The following SNX29 variants were observed in gnomAD, a reference collection of about 807,000 sequenced individuals.
The protein encoded by SNX29 is sorting nexin-29.
SNX29 carries 78 observed loss-of-function variants against 102.1 expected under a neutral mutation model. The observed-to-expected ratio is 0.76, with a 90% CI of 0.64 to 0.92. The LOEUF is 0.92. SNX29 is among the 40% of genes least tolerant of loss of function. The probability of loss-of-function intolerance (pLI) is 0.00; values close to 1 mark genes in which losing one functional copy is unlikely to be tolerated. For synonymous variants in SNX29, 580 were observed against 414.5 expected (o/e 1.40, Z -4.85); for missense variants, 1,280 against 1,061.7 (o/e 1.21, Z -2.86).
intron 18 of SNX29, among the ~76,000 whole-genome samples, chr16:12,434,115 G>A (rs1353673771): frequency 6.6e-6 from 1 of 152,160 alleles, no homozygotes; most frequent in Non-Finnish European, 1.5e-5. Context: ...TTGACATGCT[G>A]GGGTGGAGAG....
intron 11 of SNX29, among the ~76,000 whole-genome samples, chr16:12,124,415 A>T (rs373941779): frequency 3.3e-4 from 50 of 151,856 alleles, no homozygotes; most frequent in African/African-American, 1.1e-3. Context: ...TGAGGAGCTT[A>T]AAGTTCCACA....
At chr16:12,252,961 G>A (rs1211820897) in intron 14 of SNX29, among the ~76,000 whole-genome samples, 1 of 152,248 alleles carries the variant, frequency 6.6e-6, no homozygotes, top group Non-Finnish European at 1.5e-5. Flanking sequence ...TGGACTGGCA[G>A]CTGGGATAGG....
At chr16:12,297,616 C>G (rs559977902) in intron 15 of SNX29, among the ~76,000 whole-genome samples, 159 of 152,118 alleles carry the variant, frequency 1.0e-3, no homozygotes, top group Non-Finnish European at 2.0e-3. Context: ...AAATGATAAC[C>G]GTGGGTGGTG....
intron 14 of SNX29, among the ~76,000 whole-genome samples, chr16:12,256,976 A>G (rs763524458): frequency 6.6e-6 from 1 of 152,212 alleles, no homozygotes; most frequent in Non-Finnish European, 1.5e-5. Context: ...ATGGCTGATA[A>G]CAAATTATCT....
chr16:12,390,475 T>C (rs1486958132), intron 16 of SNX29, among the ~76,000 whole-genome samples: 7 of 152,142 alleles, frequency 4.6e-5, no homozygotes, highest in Non-Finnish European at 8.8e-5. Context: ...TGGTGGATTG[T>C]ATGCTCTGCA....
intron 12 of SNX29, among the ~76,000 whole-genome samples, chr16:12,127,218 C>T (rs2054252005): frequency 6.7e-6 from 1 of 149,144 alleles, no homozygotes; most frequent in Non-Finnish European, 1.5e-5. Context: ...GAGATTACGC[C>T]ATTGCACTCC....
At chr16:12,426,450 T>C (rs2151609249) in intron 18 of SNX29, among the ~76,000 whole-genome samples, 1 of 152,296 alleles carries the variant, frequency 6.6e-6, no homozygotes, top group South Asian at 2.1e-4. Context: ...AGCCGGAAAG[T>C]ATAATCCTCT....
At chr16:11,994,373 C>T (rs1232251460) in intron 1 of SNX29, among the ~76,000 whole-genome samples, 1 of 152,168 alleles carries the variant, frequency 6.6e-6, no homozygotes, top group African/African-American at 2.4e-5. Context: ...GGGGCTGCCC[C>T]TGGAGATGAG....
chr16:12,552,756 T>G (rs1236518246), intron 20 of SNX29, among the ~76,000 whole-genome samples: 1 of 152,182 alleles, frequency 6.6e-6, no homozygotes. Context: ...CACTTCTGAT[T>G]TAAGGTATGA....
At chr16:12,405,476 G>A (rs1487586546) in intron 18 of SNX29, among the ~76,000 whole-genome samples, 1 of 152,174 alleles carries the variant, frequency 6.6e-6, no homozygotes, top group Non-Finnish European at 1.5e-5. Context: ...GCATCGCTGG[G>A]AGCAACTTCA....
In SNX29 at chr16:11,999,528, A is replaced by G. The variant is rs373542733; in HGVS notation, c.69+170A>G. Among the ~76,000 whole-genome samples the G allele has an allele frequency of 1.8e-4, 27 of 152,334 alleles. No homozygotes were observed. In the East Asian group the frequency reaches 3.3e-3, roughly 18 times the overall value. ...AAATGATAGAGCAGTGAACACGGTC[A>G]AGGTTGGGTTGGAGGAAGTCCTGTG... On this transcript the variant is annotated intron_variant, in intron 2 of 20. Transcript: ENST00000566228.
At position 12,444,842 on chromosome 16, in the gene SNX29, GT is replaced by G. The variant is rs34218008; in HGVS notation, c.2038-32862del. Among the ~76,000 whole-genome samples the G allele has an allele frequency of 8.9e-3, 1,178 of 132,574 alleles. 15 individuals are homozygous for G. The highest frequency in any genetic ancestry group is 0.031 in the African/African-American group (1,081 of 34,846). The allele number at this position is 132,574 out of a possible 152,430, so 87.0% of individuals were successfully genotyped here. The stretch of plus-strand genomic sequence containing the variant: ...TGTCCCCTCGACAGTGTTTTTTTTT[GT>G]TTTTTTTTTTTTTTGAGACAGAGTC... On this transcript the variant is annotated intron_variant, in intron 18 of 20. Transcript: ENST00000566228.
intron 20 of SNX29, among the ~76,000 whole-genome samples, chr16:12,537,772 C>T (rs187789656): frequency 1.3e-5 from 2 of 151,262 alleles, no homozygotes; most frequent in Non-Finnish European, 3.0e-5. Context: ...TTTGTTTAAA[C>T]AAAAAAAAGT....
intron 1 of SNX29, among the ~76,000 whole-genome samples, chr16:11,992,558 C>G (rs2055895191): frequency 6.6e-6 from 1 of 151,748 alleles, no homozygotes; most frequent in South Asian, 2.1e-4. Context: ...CCCAGTTTTG[C>G]AAGCACGGCT....
At chr16:12,525,008 A>G (rs1478859799) in intron 20 of SNX29, among the ~76,000 whole-genome samples, 167 bp downstream of exon 20, 2 of 152,182 alleles carry the variant, frequency 1.3e-5, no homozygotes, top group East Asian at 1.9e-4. Context: ...GTTGGGTCTC[A>G]GCGCTTTGGA....
intron 17 of SNX29, among the ~76,000 whole-genome samples, chr16:12,400,074 C>G (rs761383609): frequency 6.6e-6 from 1 of 152,200 alleles, no homozygotes; most frequent in African/African-American, 2.4e-5. Flanking sequence ...TCTGCCTGAT[C>G]CAGGCCACAT....
chr16:12,032,228 C>A (rs978204648), intron 4 of SNX29, among the ~76,000 whole-genome samples: 8 of 142,478 alleles, frequency 5.6e-5, no homozygotes, highest in African/African-American at 7.9e-5. Flanking sequence ...TTTGATGGAG[C>A]CTTGCTCTGT....
chr16:12,560,135 T>A (rs115425249), intron 20 of SNX29, among the ~76,000 whole-genome samples: 1 of 135,394 alleles, frequency 7.4e-6, no homozygotes, highest in African/African-American at 2.8e-5. Context: ...TGTGTTCCCC[T>A]CCCCCCCCCA....
chr16:12,283,176 T>C (rs1049569317), intron 15 of SNX29, among the ~76,000 whole-genome samples: 6 of 152,174 alleles, frequency 3.9e-5, no homozygotes, highest in Admixed American at 3.3e-4. Context: ...AGCCCTTAGC[T>C]TCCTTTCTCC....
Sources: gnomAD v4.1 joint callset for allele counts (sites outside exome capture counted in the v4.1 genomes callset) on GRCh38, gnomAD v4.1.1 for gene constraint, MANE v1.5 for transcripts, NCBI Gene and HGNC (gene_info 2026-07-23, HGNC 2026-07-21) for gene names.